RASEF: variants seen among roughly 807,000 people sequenced by gnomAD.
RASEF encodes ras and EF-hand domain-containing protein.
A neutral mutation model predicts 90.1 loss-of-function variants in RASEF; 68 were observed. That is an observed-to-expected ratio of 0.75 (90% CI 0.62 to 0.92). The LOEUF (loss-of-function observed/expected upper bound fraction) is 0.92, where lower values mean the gene tolerates loss of function less well. Among genes scored for constraint, RASEF ranks in the 40% least tolerant of loss-of-function variants. The pLI, the probability that RASEF is intolerant of heterozygous loss-of-function variation, is 0.00. For missense variants in RASEF, 949 were observed against 937.2 expected (o/e 1.01, Z -0.16); for synonymous variants, 331 against 345.2 (o/e 0.96, Z 0.46).
Position 83,003,847 on chromosome 9 carries a change from G to A in RASEF, c.1202+651C>T, listed in dbSNP as rs148291859. Among the ~76,000 whole-genome samples the A allele has an allele frequency of 8.8e-3, 1,337 of 152,198 alleles. 20 individuals carry two copies. Among genetic ancestry groups the A allele is most frequent in the African/African-American group, 0.03 (1,251 of 41,532 alleles). On this transcript the variant is annotated intron_variant, in intron 9 of 16. Coordinates refer to ENST00000376447, the MANE Select transcript of RASEF (RefSeq NM_152573.4). ...CTTTCACTTCTAATTTCAAATTTTT[G>A]ACATATTACTAAATTAACTAGCAAC...
chr9:82,996,973 C>A lies in RASEF; in HGVS notation c.1920+39G>T, dbSNP rs762187499. The A allele has an allele frequency of 4.1e-6, 5 of 1,207,076 alleles. No individual in the cohort carries two copies. The South Asian group carries it at 6.1e-5, about 15-fold the overall frequency. The allele number at this position is 1,207,076 out of a possible 1,614,324, so 74.8% of individuals were successfully genotyped here. A position where few individuals can be genotyped will look rare whatever the true frequency, so the allele number is the denominator to read the frequency against. On this transcript the variant is annotated intron_variant, in intron 14 of 16. Transcript: ENST00000376447. Reference sequence around the variant, plus strand: ...CATTTTCCAAGATGGCCTAAAACTTCCTCGTGTAATTTTCTGTTTCTCCAT... The same window carrying A: ...CATTTTCCAAGATGGCCTAAAACTTACTCGTGTAATTTTCTGTTTCTCCAT...
intron 1 of RASEF, among the ~76,000 whole-genome samples, chr9:83,056,936 G>C (rs1215536584): frequency 6.6e-6 from 1 of 152,174 alleles, no homozygotes; most frequent in Non-Finnish European, 1.5e-5. Flanking sequence ...GCCTTCTAAG[G>C]ACTAGAAGTC....
chr9:82,983,107 C>CCCCACA (rs1340706939), intron 16 of RASEF, among the ~76,000 whole-genome samples: 1 of 128,560 alleles, frequency 7.8e-6, no homozygotes, highest in African/African-American at 3.0e-5. Context: ...GAGTACCAGG[C>CCCCACA]CACACACACA....
chr9:83,166,314 A>G, the RASEF span, among the ~76,000 whole-genome samples: 1 of 152,184 alleles, frequency 6.6e-6, no homozygotes, highest in Non-Finnish European at 1.5e-5. Flanking sequence ...TATACACTAC[A>G]ACCAAGTGGA....
chr9:83,063,331 G>A (rs1830252518), upstream of RASEF, among the ~76,000 whole-genome samples: 1 of 152,178 alleles, frequency 6.6e-6, no homozygotes, highest in Admixed American at 6.5e-5. Context: ...GCCCTTCGGC[G>A]TAAGCGCTGC....
At chr9:83,124,362 G>C in the RASEF span, among the ~76,000 whole-genome samples, 1 of 152,142 alleles carries the variant, frequency 6.6e-6, no homozygotes, top group Admixed American at 6.5e-5. Context: ...AATTTTTTAG[G>C]AGAATTCAGT....
At chr9:83,109,497 A>T in the RASEF span, among the ~76,000 whole-genome samples, 1 of 152,218 alleles carries the variant, frequency 6.6e-6, no homozygotes. Context: ...CGCAGACGTC[A>T]TTTAATGAGG....
chr9:83,036,691 A>G (rs1286569331), intron 1 of RASEF, among the ~76,000 whole-genome samples: 3 of 152,198 alleles, frequency 2.0e-5, no homozygotes, highest in Non-Finnish European at 4.4e-5. Context: ...GGTGTCCTAA[A>G]TGGATGCTGG....
the RASEF span, among the ~76,000 whole-genome samples, chr9:83,131,426 A>G: frequency 6.6e-6 from 1 of 152,216 alleles, no homozygotes; most frequent in Non-Finnish European, 1.5e-5. Flanking sequence ...GGTATCCTCT[A>G]ACAACTGTAT....
intron 13 of RASEF, 90 bp downstream of exon 13, chr9:82,998,275 T>C (rs1828957928): frequency 1.4e-6 from 1 of 697,698 alleles, no homozygotes. Context: ...GTTATAATTA[T>C]AGAATTTTGA....
chr9:82,982,636 T>C lies in RASEF; in HGVS notation c.*41A>G. 1 of 1,072,650 alleles carries C rather than the reference T, an allele frequency of 9.3e-7. No homozygotes were observed. 66.4% of individuals were successfully genotyped at this position (1,072,650 alleles called of 1,614,324 possible). A position where few individuals can be genotyped will look rare whatever the true frequency, so the allele number is the denominator to read the frequency against. The stretch of plus-strand genomic sequence containing the variant: ...CCAAATAAGTCACACAAATTCAGTA[T>C]TCTGGAAATGAAGACTTCACAGGCC... On this transcript the variant is annotated 3_prime_UTR_variant, in exon 17 of 17. Coordinates refer to ENST00000376447, the MANE Select transcript of RASEF (RefSeq NM_152573.4).
the RASEF span, among the ~76,000 whole-genome samples, chr9:83,215,556 G>T: frequency 7.2e-5 from 11 of 152,336 alleles, no homozygotes; most frequent in Non-Finnish European, 1.3e-4. Context: ...AAGGGGATCA[G>T]GGAACTCTCC....
chr9:83,120,469 A>G, the RASEF span, among the ~76,000 whole-genome samples: 1 of 152,182 alleles, frequency 6.6e-6, no homozygotes, highest in East Asian at 1.9e-4. Context: ...TTTGCCAGCC[A>G]TGGACCTGGG....
At chr9:83,043,787 G>A (rs1411350542) in intron 1 of RASEF, among the ~76,000 whole-genome samples, 2 of 151,800 alleles carry the variant, frequency 1.3e-5, no homozygotes, top group East Asian at 1.9e-4. Context: ...CCACACTCTC[G>A]CTTCTCATTT....
the RASEF span, among the ~76,000 whole-genome samples, chr9:83,068,361 A>G: frequency 6.6e-6 from 1 of 152,204 alleles, no homozygotes; most frequent in East Asian, 1.9e-4. Context: ...ATAATGGGAT[A>G]ATCACTCCTG....
the RASEF span, among the ~76,000 whole-genome samples, chr9:83,103,891 T>C: frequency 6.6e-6 from 1 of 152,222 alleles, no homozygotes; most frequent in Non-Finnish European, 1.5e-5. Flanking sequence ...GGTAAAACTA[T>C]AATCAACATG....
chr9:82,987,388 A>C (rs1466350821), intron 16 of RASEF, among the ~76,000 whole-genome samples: 2 of 152,208 alleles, frequency 1.3e-5, no homozygotes, highest in Non-Finnish European at 2.9e-5. Context: ...TTATTTCTTT[A>C]CTTGTCTAAA....
At chr9:83,125,185 T>C in the RASEF span, among the ~76,000 whole-genome samples, 1 of 152,180 alleles carries the variant, frequency 6.6e-6, no homozygotes, top group East Asian at 1.9e-4. Flanking sequence ...GTATACCAGA[T>C]TGTGCACTAC....
chr9:83,000,571 C>G lies in RASEF; in HGVS notation c.1438-1G>C. 1 of 1,581,416 alleles carries G rather than the reference C, an allele frequency of 6.3e-7. No individual in the cohort carries two copies. Among genetic ancestry groups the G allele is most frequent in the South Asian group, 1.2e-5 (1 of 86,310 alleles). On this transcript the variant is annotated splice_acceptor_variant, in intron 10 of 16. Transcript: ENST00000376447. LOFTEE classifies it high-confidence loss of function. ...TCTCTTCATCCCTTATGTCAGGAAC[C>G]TATTTTTTTTAAAATGTCAGCAGTT...
Sources: gnomAD v4.1 joint callset for allele counts (sites outside exome capture counted in the v4.1 genomes callset) on GRCh38, gnomAD v4.1.1 for gene constraint, MANE v1.5 for transcripts, NCBI Gene and HGNC (gene_info 2026-07-23, HGNC 2026-07-21) for gene names.